AGBL4: variants seen among roughly 807,000 people sequenced by gnomAD.
AGBL4 encodes the protein cytosolic carboxypeptidase 6.
A neutral mutation model predicts 66.4 loss-of-function variants in AGBL4; 58 were observed. That is an observed-to-expected ratio of 0.87 (90% confidence interval 0.71 to 1.09). AGBL4 has a LOEUF of 1.09. Among genes scored for constraint, AGBL4 ranks in the 50% least tolerant of loss-of-function variants. AGBL4 has a pLI of 0.00. For synonymous variants in AGBL4, 234 were observed against 222.9 expected (o/e 1.05, Z -0.44); for missense variants, 579 against 631.0 (o/e 0.92, Z 0.88).
At chr1:49,596,928 C>A (rs189959062) in intron 3 of AGBL4, among the ~76,000 whole-genome samples, 4 of 152,316 alleles carry the variant, frequency 2.6e-5, no homozygotes, top group African/African-American at 9.6e-5. Flanking sequence ...TGTTCAATAG[C>A]AAGCAATTTG....
At chr1:49,825,225 T>C (rs1645478994) in intron 2 of AGBL4, among the ~76,000 whole-genome samples, 1 of 152,240 alleles carries the variant, frequency 6.6e-6, no homozygotes, top group South Asian at 2.1e-4. Context: ...CTGTGATGTA[T>C]TTTAAAGCAT....
intron 4 of AGBL4, among the ~76,000 whole-genome samples, chr1:49,142,386 T>C (rs1388433972): frequency 1.3e-5 from 2 of 152,180 alleles, no homozygotes; most frequent in African/African-American, 4.8e-5. Context: ...TTTGGACTAA[T>C]GCATATTAGG....
At chr1:49,146,477 G>A (rs1255688483) in intron 4 of AGBL4, among the ~76,000 whole-genome samples, 1 of 152,164 alleles carries the variant, frequency 6.6e-6, no homozygotes, top group Non-Finnish European at 1.5e-5. Flanking sequence ...CCATGTGTCT[G>A]TGTGGTGTGA....
At chr1:48,717,280 G>A (rs181675165) in intron 6 of AGBL4, among the ~76,000 whole-genome samples, 200 of 152,312 alleles carry the variant, frequency 1.3e-3, no homozygotes, top group African/African-American at 4.7e-3. Flanking sequence ...GTTGGCATGT[G>A]TCCTTCCTGC....
chr1:48,982,633 G>A (rs1463070354), intron 5 of AGBL4, among the ~76,000 whole-genome samples: 1 of 152,052 alleles, frequency 6.6e-6, no homozygotes, highest in Non-Finnish European at 1.5e-5. Flanking sequence ...CCAAGTCTTT[G>A]CTATTGTGGA....
chr1:49,374,929 C>T lies in AGBL4; in HGVS notation c.283-129065G>A, dbSNP rs372079410. On this transcript the variant is annotated intron_variant, in intron 3 of 13. Transcript: ENST00000371839. ...ACTATAAGATCAAGTTTACACTTCT[C>T]GATAAAATGTTATGGCAAAGGCAAT... 3.5e-4 allele frequency among the ~76,000 whole-genome samples: 54 copies of T among 152,256 alleles called. 2 individuals are homozygous for T. Among genetic ancestry groups the T allele is most frequent in the African/African-American group, 1.1e-3 (45 of 41,560 alleles).
At chr1:49,645,410 A>C (rs1043895268) in intron 3 of AGBL4, among the ~76,000 whole-genome samples, 3 of 151,292 alleles carry the variant, frequency 2.0e-5, no homozygotes, top group African/African-American at 4.8e-5. Flanking sequence ...AAAAATTATT[A>C]TGACAATTTC....
chr1:49,781,744 T>C (rs1050095821), intron 2 of AGBL4, among the ~76,000 whole-genome samples: 2 of 152,130 alleles, frequency 1.3e-5, no homozygotes, highest in African/African-American at 4.8e-5. Context: ...TAGGTCATAA[T>C]ATAAAAGTAT....
At chr1:49,305,674 A>G (rs1644836367) in intron 3 of AGBL4, among the ~76,000 whole-genome samples, 1 of 151,082 alleles carries the variant, frequency 6.6e-6, no homozygotes, top group Non-Finnish European at 1.5e-5. Context: ...GGTCTCGGAA[A>G]GTAATATGAA....
chr1:48,531,206 TTTC>T (rs923153334), downstream of AGBL4, among the ~76,000 whole-genome samples: 106 of 139,198 alleles, frequency 7.6e-4, 1 homozygote, highest in Non-Finnish European at 1.2e-3. Flanking sequence ...AGCTTTTTTT[TTTC>T]TCTCTCTCTC....
chr1:48,525,089 A>G, the AGBL4 span, among the ~76,000 whole-genome samples: 9 of 152,202 alleles, frequency 5.9e-5, no homozygotes, highest in Middle Eastern at 6.8e-3. Context: ...ACAGCCACAA[A>G]TTCTCTGTGA....
chr1:48,677,687 T>C (rs113782423), intron 6 of AGBL4, among the ~76,000 whole-genome samples: 9 of 152,304 alleles, frequency 5.9e-5, no homozygotes, highest in African/African-American at 2.2e-4. Flanking sequence ...GACAGCTTGA[T>C]GCCTCACTTA....
intron 6 of AGBL4, among the ~76,000 whole-genome samples, chr1:48,797,197 C>T (rs891323175): frequency 2.6e-5 from 4 of 152,158 alleles, no homozygotes; most frequent in African/African-American, 9.7e-5. Flanking sequence ...AGAATCCTTT[C>T]TAATTAATTT....
At chr1:49,443,326 T>C (rs144399138) in intron 3 of AGBL4, among the ~76,000 whole-genome samples, 12 of 152,242 alleles carry the variant, frequency 7.9e-5, no homozygotes, top group African/African-American at 2.9e-4. Context: ...GAGGTCTTTG[T>C]CACAAATTAT....
At chr1:49,526,521 G>A (rs1047313723) in intron 3 of AGBL4, among the ~76,000 whole-genome samples, 1 of 152,080 alleles carries the variant, frequency 6.6e-6, no homozygotes, top group Non-Finnish European at 1.5e-5. Flanking sequence ...TATGCTTACT[G>A]ACTAAGGAAT....
chr1:49,813,788 G>C (rs537082406), intron 2 of AGBL4, among the ~76,000 whole-genome samples: 1 of 152,110 alleles, frequency 6.6e-6, no homozygotes, highest in Non-Finnish European at 1.5e-5. Context: ...GGATAACAGA[G>C]ATACGGAATA....
chr1:49,960,880 G>C (rs1252673883), intron 1 of AGBL4, among the ~76,000 whole-genome samples: 5 of 152,038 alleles, frequency 3.3e-5, no homozygotes, highest in Admixed American at 2.6e-4. Flanking sequence ...AAAGACCACA[G>C]TATGAGTAGG....
intron 6 of AGBL4, among the ~76,000 whole-genome samples, chr1:48,719,940 C>G (rs1461337495): frequency 6.6e-6 from 1 of 152,216 alleles, no homozygotes; most frequent in Admixed American, 6.5e-5. Flanking sequence ...TCTTTCTTGA[C>G]TTGGTGATGG....
chr1:48,765,568 T>C (rs1406220172), intron 6 of AGBL4, among the ~76,000 whole-genome samples: 1 of 152,136 alleles, frequency 6.6e-6, no homozygotes, highest in Non-Finnish European at 1.5e-5. Flanking sequence ...CCTGGGTGTA[T>C]ATGCAAGATA....
Sources: gnomAD v4.1 joint callset for allele counts (sites outside exome capture counted in the v4.1 genomes callset) on GRCh38, gnomAD v4.1.1 for gene constraint, MANE v1.5 for transcripts, NCBI Gene and HGNC (gene_info 2026-07-23, HGNC 2026-07-21) for gene names.